SRPRB: variants seen among roughly 807,000 people sequenced by gnomAD.
The protein encoded by SRPRB is SRP receptor subunit beta.
A neutral mutation model predicts 31.9 loss-of-function variants in SRPRB; 20 were observed. The ratio of observed to expected loss-of-function variants is 0.63; its 90% CI spans 0.44 to 0.91. The LOEUF is 0.91. Ranked by LOEUF, SRPRB falls within the 40% of genes least tolerant of loss-of-function variation. The probability of loss-of-function intolerance (pLI) is 0.00; values close to 1 mark genes in which losing one functional copy is unlikely to be tolerated. For synonymous variants in SRPRB, 146 were observed against 132.8 expected, an observed-to-expected ratio of 1.10 and a Z score of -0.68; for missense variants, 321 against 324.9, an observed-to-expected ratio of 0.99 and a Z score of 0.09.
intron 3 of SRPRB, among the ~76,000 whole-genome samples, chr3:133,809,393 CTCTT>C (rs960481785): frequency 2.6e-5 from 4 of 152,128 alleles, no homozygotes; most frequent in African/African-American, 7.2e-5. Flanking sequence ...TTTTCTTCTT[CTCTT>C]TGTCTTCTTT....
intron 1 of SRPRB, chr3:133,791,553 A>G (rs1300573794): frequency 6.6e-6 from 1 of 152,224 alleles, no homozygotes; most frequent in African/African-American, 2.4e-5. Flanking sequence ...TAATATAAAA[A>G]AAGAATTCTG....
At chr3:133,826,930 T>C (rs1260587185), downstream of SRPRB, 2 of 152,620 alleles carry the variant, frequency 1.3e-5, no homozygotes, top group Non-Finnish European at 2.9e-5. Flanking sequence ...CACAAGTCTA[T>C]CTCTATATAT....
chr3:133,825,703 C>G (rs1935550122), downstream of SRPRB: 1 of 152,218 alleles, frequency 6.6e-6, no homozygotes, highest in Non-Finnish European at 1.5e-5. Context: ...TTTCCTGATG[C>G]CTGCAGAACA....
downstream of SRPRB, chr3:133,826,781 TTTC>T (rs1935570580): frequency 6.5e-6 from 1 of 152,710 alleles, no homozygotes. Context: ...ATATTAAGTA[TTTC>T]TTATTTCAAC....
downstream of SRPRB, chr3:133,827,710 A>C: frequency 1.7e-6 from 1 of 593,822 alleles, no homozygotes; most frequent in Non-Finnish European, 3.0e-6. Context: ...GGCTCTAAGA[A>C]CATGGATCTT....
At chr3:133,794,540 T>C (rs1269100671) in intron 1 of SRPRB, 1 of 152,208 alleles carries the variant, frequency 6.6e-6, no homozygotes, top group East Asian at 1.9e-4. Flanking sequence ...CTGAGGACAA[T>C]CAACTCCTTC....
chr3:133,822,478 T>G, downstream of SRPRB, among the ~76,000 whole-genome samples: 1 of 152,164 alleles, frequency 6.6e-6, no homozygotes, highest in South Asian at 2.1e-4. Context: ...AGTCCGGGCC[T>G]TGGTAGCCTC....
intron 1 of SRPRB, among the ~76,000 whole-genome samples, chr3:133,799,429 T>C (rs1935030045): frequency 6.6e-6 from 1 of 152,194 alleles, no homozygotes; most frequent in Non-Finnish European, 1.5e-5. Context: ...AGATGTATAG[T>C]ATATAATCAT....
downstream of SRPRB, among the ~76,000 whole-genome samples, chr3:133,822,400 T>G (rs541832028): frequency 5.3e-5 from 8 of 152,308 alleles, no homozygotes; most frequent in African/African-American, 1.9e-4. Context: ...ATCTCCCTAG[T>G]GGGTATGGAC....
In SRPRB at chr3:133,815,656, G is replaced by T; in HGVS notation, c.477G>T (p.Leu159=). Residue 159 remains leucine, a synonymous_variant, in exon 5 of 7, where the codon CTG becomes CTT. Transcript: ENST00000678299. ...QREVKDVAEF[L]YQVLIDSMGL... ...AGGTGAAAGATGTGGCTGAGTTTCT[G>T]TATCAAGTCCTCATTGACAGTATGG... The T allele has an allele frequency of 6.2e-7, 1 of 1,613,934 alleles. No homozygotes were observed. Among genetic ancestry groups the T allele is most frequent in the South Asian group, 1.1e-5 (1 of 91,056 alleles).
At chr3:133,790,113 C>T (rs1205802967) in intron 1 of SRPRB, 1 of 152,018 alleles carries the variant, frequency 6.6e-6, no homozygotes, top group Non-Finnish European at 1.5e-5. Context: ...AAAAGTGAAA[C>T]AATTGAGTAC....
chr3:133,800,254 C>T (rs950864444), intron 1 of SRPRB, among the ~76,000 whole-genome samples: 1 of 152,234 alleles, frequency 6.6e-6, no homozygotes, highest in African/African-American at 2.4e-5. Flanking sequence ...TGGGTGCCTG[C>T]TAAGAGCCAG....
upstream of SRPRB, among the ~76,000 whole-genome samples, chr3:133,800,834 A>G (rs1935050365): frequency 6.6e-6 from 1 of 152,208 alleles, no homozygotes; most frequent in Non-Finnish European, 1.5e-5. Flanking sequence ...TGAGCCAAGT[A>G]CTGTTCAGGG....
At chr3:133,824,060 A>AGTT (rs1376717590), downstream of SRPRB, among the ~76,000 whole-genome samples, 7 of 152,142 alleles carry the variant, frequency 4.6e-5, no homozygotes, top group African/African-American at 1.7e-4. Context: ...ACCCCTTCGG[A>AGTT]GTTGGTGGAC....
intron 6 of SRPRB, among the ~76,000 whole-genome samples, chr3:133,818,356 A>G (rs1183030672): frequency 1.3e-5 from 2 of 152,350 alleles, no homozygotes; most frequent in Middle Eastern, 3.4e-3. Context: ...TACAGAAGCC[A>G]ATCCTTTTTT....
chr3:133,800,859 G>A (rs1935050767), upstream of SRPRB, among the ~76,000 whole-genome samples: 1 of 152,064 alleles, frequency 6.6e-6, no homozygotes, highest in African/African-American at 2.4e-5. Flanking sequence ...GGAATACAGA[G>A]GTGCATACTA....
intron 3 of SRPRB, among the ~76,000 whole-genome samples, chr3:133,808,164 A>T (rs116451789): frequency 1.1e-4 from 17 of 152,354 alleles, no homozygotes; most frequent in African/African-American, 4.1e-4. Flanking sequence ...CATGGGACAA[A>T]AATTCAAAAG....
At chr3:133,807,679 A>C (rs1486823917) in intron 2 of SRPRB, 67 bp from the exon 3 acceptor site, 2 of 1,067,526 alleles carry the variant, frequency 1.9e-6, no homozygotes, top group Non-Finnish European at 2.9e-6. Context: ...GGAGACTTAG[A>C]ATAATATAAC....
At chr3:133,814,662 C>A (rs772153796) in intron 4 of SRPRB, among the ~76,000 whole-genome samples, 10 of 152,022 alleles carry the variant, frequency 6.6e-5, no homozygotes, top group Middle Eastern at 3.4e-3. Context: ...TTGTCTCGAA[C>A]TCCTGACCTC....
Sources: allele counts gnomAD v4.1 joint callset (sites outside exome capture counted in the v4.1 genomes callset), GRCh38; gene constraint gnomAD v4.1.1; transcripts MANE v1.5; gene names NCBI Gene and HGNC (gene_info 2026-07-23, HGNC 2026-07-21).